Variants in PKNOX2 observed in about 807,000 individuals in gnomAD.
PKNOX2 encodes PBX/knotted 1 homeobox 2.
Under a neutral mutation model 53.1 loss-of-function variants are expected in PKNOX2, and 14 were observed. The ratio of observed to expected loss-of-function variants is 0.26; its 90% CI spans 0.17 to 0.41. The LOEUF (loss-of-function observed/expected upper bound fraction) is 0.41. PKNOX2 is among the 10% of genes least tolerant of loss of function. PKNOX2 has a pLI of 1.00. For synonymous variants in PKNOX2, 257 were observed against 242.8 expected (o/e 1.06, Z -0.54); for missense variants, 496 against 602.8 (o/e 0.82, Z 1.85).
intron 1 of PKNOX2, among the ~76,000 whole-genome samples, chr11:125,224,337 G>A (rs1941493260): frequency 1.3e-5 from 2 of 152,248 alleles, no homozygotes; most frequent in Non-Finnish European, 2.9e-5. Context: ...GTTACTGCTA[G>A]CAAGGGATCC....
At chr11:125,185,922 T>C (rs1047129959) in intron 1 of PKNOX2, among the ~76,000 whole-genome samples, 1 of 152,216 alleles carries the variant, frequency 6.6e-6, no homozygotes, top group Admixed American at 6.5e-5. Context: ...TCTAGGTAAT[T>C]CTATGTTTAA....
intron 1 of PKNOX2, among the ~76,000 whole-genome samples, chr11:125,207,667 C>T (rs576270223): frequency 9.9e-5 from 15 of 152,116 alleles, no homozygotes; most frequent in South Asian, 8.3e-4. Context: ...CTTCGCTTGT[C>T]GGCATGAAAG....
At position 125,166,138 on chromosome 11, in the gene PKNOX2, G is replaced by T. The variant is rs535761242; in HGVS notation, c.-201+1362G>T. On this transcript the variant is annotated intron_variant, in intron 1 of 12. Transcript: ENST00000298282. The surrounding 1 kb of genome is among the most constrained non-coding windows in gnomAD (Gnocchi z 4.0). Reference sequence around the variant, plus strand: ...CGAGGGGCCGATAAGTAGTTTACACGCCGGCCAGAGCAGAGGGCTGGAGGT... The same window carrying T: ...CGAGGGGCCGATAAGTAGTTTACACTCCGGCCAGAGCAGAGGGCTGGAGGT... 3.3e-5 allele frequency among the ~76,000 whole-genome samples: 5 copies of T among 152,260 alleles called. No individual in the cohort carries two copies. In the East Asian group the frequency reaches 9.7e-4, roughly 29 times the overall value.
intron 10 of PKNOX2, among the ~76,000 whole-genome samples, chr11:125,419,802 G>A (rs529549525): frequency 9.9e-5 from 15 of 151,298 alleles, no homozygotes; most frequent in African/African-American, 2.7e-4. Flanking sequence ...AGGCCAAGGC[G>A]GGAGGATTGC....
chr11:125,269,649 C>T lies in PKNOX2; in HGVS notation c.-130+34534C>T, dbSNP rs554311392. Among the ~76,000 whole-genome samples, 4 of 152,240 alleles carry T rather than the reference C, an allele frequency of 2.6e-5. No homozygotes were observed. The East Asian group carries it at 5.8e-4, about 22-fold the overall frequency. ...ATGGATGGAGATGGTACCCACTGTC[C>T]AGGGCGAGGCTGAGAGTGAGTCTGG... On this transcript the variant is annotated intron_variant, in intron 2 of 12. Coordinates refer to ENST00000298282, the MANE Select transcript of PKNOX2 (RefSeq NM_001382323.2).
At chr11:125,398,962 T>C (rs1335130540) in intron 7 of PKNOX2, among the ~76,000 whole-genome samples, 1 of 152,222 alleles carries the variant, frequency 6.6e-6, no homozygotes, top group Non-Finnish European at 1.5e-5. Context: ...GTGCTGGAAG[T>C]AGTGCCAAAG....
chr11:125,351,008 A>T (rs1445355630), intron 3 of PKNOX2, among the ~76,000 whole-genome samples: 1 of 151,850 alleles, frequency 6.6e-6, no homozygotes, highest in African/African-American at 2.4e-5. Flanking sequence ...CACGTACAAC[A>T]GGCCGGAGCT....
At chr11:125,331,380 A>T (rs149368391) in intron 2 of PKNOX2, among the ~76,000 whole-genome samples, 1 of 115,798 alleles carries the variant, frequency 8.6e-6, no homozygotes, top group East Asian at 2.9e-4. Flanking sequence ...GTCGAAGCCC[A>T]CTGTCATTTG....
In PKNOX2 at chr11:125,173,846, C is replaced by T. The variant is rs185063407; in HGVS notation, c.-201+9070C>T. ...CTCACAATCCAGACAGATGTCAAGC[C>T]GACAAACACCAAGGGGAGTTTAGCC... On this transcript the variant is annotated intron_variant, in intron 1 of 12. Transcript: ENST00000298282. Among the ~76,000 whole-genome samples the T allele has an allele frequency of 4.6e-4, 70 of 152,298 alleles. 2 individuals carry two copies. In the East Asian group the frequency reaches 0.011, roughly 24 times the overall value.
chr11:125,301,714 G>T (rs1303125576), intron 2 of PKNOX2, among the ~76,000 whole-genome samples: 2 of 152,102 alleles, frequency 1.3e-5, no homozygotes, highest in African/African-American at 4.8e-5. Flanking sequence ...GAACAGTTTG[G>T]GTTTGGTGGA....
chr11:125,217,590 A>G (rs1940669861), intron 1 of PKNOX2, among the ~76,000 whole-genome samples: 1 of 152,204 alleles, frequency 6.6e-6, no homozygotes, highest in South Asian at 2.1e-4. Context: ...GTCAGTGCAC[A>G]TCGGCTGTCT....
At chr11:125,274,778 G>C (rs998168304) in intron 2 of PKNOX2, among the ~76,000 whole-genome samples, 5 of 152,208 alleles carry the variant, frequency 3.3e-5, no homozygotes, top group Admixed American at 1.3e-4. Context: ...GAGGAATGTT[G>C]GAATAAATGG....
At chr11:125,354,333 C>T (rs1490444201) in intron 4 of PKNOX2, among the ~76,000 whole-genome samples, 2 of 152,166 alleles carry the variant, frequency 1.3e-5, no homozygotes, top group Admixed American at 1.3e-4. Flanking sequence ...AAACAAAGCC[C>T]ACTCCCTCCT....
intron 1 of PKNOX2, among the ~76,000 whole-genome samples, chr11:125,205,554 A>G (rs1938992010): frequency 6.7e-6 from 1 of 149,898 alleles, no homozygotes; most frequent in East Asian, 1.9e-4. Flanking sequence ...CCATCAGGTG[A>G]CTCTCTTGCT....
At chr11:125,414,746 G>GAA (rs5795453) in intron 10 of PKNOX2, among the ~76,000 whole-genome samples, 5 of 145,790 alleles carry the variant, frequency 3.4e-5, no homozygotes, top group African/African-American at 5.0e-5. Context: ...CTATTTCTTT[G>GAA]AAAAAAAAAA....
chr11:125,208,839 G>A (rs1939471564), intron 1 of PKNOX2, among the ~76,000 whole-genome samples: 2 of 152,190 alleles, frequency 1.3e-5, no homozygotes, highest in Admixed American at 6.5e-5. Flanking sequence ...GGGGACGTGT[G>A]CTGCATTCTG....
intron 7 of PKNOX2, among the ~76,000 whole-genome samples, chr11:125,401,424 A>G (rs1954743400): frequency 6.6e-6 from 1 of 152,144 alleles, no homozygotes; most frequent in South Asian, 2.1e-4. Context: ...GTATTACTCA[A>G]ACTTGCCCCT....
chr11:125,287,250 C>A (rs1426374170), intron 2 of PKNOX2, among the ~76,000 whole-genome samples: 1 of 152,182 alleles, frequency 6.6e-6, no homozygotes, highest in African/African-American at 2.4e-5. Context: ...AGCTGTCTGA[C>A]CCCAGAGCCC....
intron 5 of PKNOX2, among the ~76,000 whole-genome samples, chr11:125,377,200 G>A (rs990555568): frequency 6.6e-6 from 1 of 152,220 alleles, no homozygotes; most frequent in African/African-American, 2.4e-5. Flanking sequence ...TGCATGGGAG[G>A]TGTTGTCCTT....
Sources: gnomAD v4.1 joint callset for allele counts (sites outside exome capture counted in the v4.1 genomes callset) on GRCh38, gnomAD v4.1.1 for gene constraint, Gnocchi (gnomAD v3.1) non-coding constraint, MANE v1.5 for transcripts, NCBI Gene and HGNC (gene_info 2026-07-23, HGNC 2026-07-21) for gene names.